Variants in ESR1 observed in about 807,000 individuals in gnomAD.
The protein encoded by ESR1 is estrogen receptor 1.
In ESR1, 12 loss-of-function variants were observed where a neutral mutation model predicts 52.7. That is an observed-to-expected ratio of 0.23 (90% CI 0.15 to 0.37). The LOEUF is 0.37. Ranked by LOEUF, ESR1 falls within the 10% of genes least tolerant of loss-of-function variation. ESR1 has a pLI of 1.00. For synonymous variants in ESR1, 305 were observed against 316.8 expected (o/e 0.96, Z 0.39); for missense variants, 584 against 779.7 (o/e 0.75, Z 2.99).
chr6:151,805,846 T>A (rs1034975336), upstream of ESR1: 1 of 152,264 alleles, frequency 6.6e-6, no homozygotes, highest in Non-Finnish European at 1.5e-5. Context: ...TTTCTCTCTC[T>A]GTAGCTTTAG....
At chr6:151,875,846 A>G (rs1342331266) in intron 2 of ESR1, among the ~76,000 whole-genome samples, 14 of 152,102 alleles carry the variant, frequency 9.2e-5, no homozygotes, top group Admixed American at 9.2e-4. Flanking sequence ...AAAACATAAG[A>G]GCTTTGCAAA....
chr6:152,096,930 G>C (rs963620436), intron 7 of ESR1, among the ~76,000 whole-genome samples: 1 of 152,150 alleles, frequency 6.6e-6, no homozygotes, highest in Admixed American at 6.5e-5. Flanking sequence ...TTTATTTGTT[G>C]AAAGGAATTG....
At chr6:151,974,874 G>A (rs1337863359) in intron 4 of ESR1, among the ~76,000 whole-genome samples, 1 of 152,188 alleles carries the variant, frequency 6.6e-6, no homozygotes, top group East Asian at 1.9e-4. Context: ...CTGCCTAGCA[G>A]CGCTAGTCTT....
intron 3 of ESR1, among the ~76,000 whole-genome samples, chr6:151,902,976 C>G (rs1796912483): frequency 6.6e-6 from 1 of 152,100 alleles, no homozygotes; most frequent in Non-Finnish European, 1.5e-5. Flanking sequence ...ACAAGTTAGC[C>G]TCCCTCTAAT....
At chr6:151,950,695 G>A (rs1269170177) in intron 4 of ESR1, among the ~76,000 whole-genome samples, 1 of 152,010 alleles carries the variant, frequency 6.6e-6, no homozygotes, top group Non-Finnish European at 1.5e-5. Flanking sequence ...AAATGCCAAG[G>A]TTTACTGGCT....
chr6:151,789,619 A>C (rs1330710726), intron 2 of ESR1, among the ~76,000 whole-genome samples: 1 of 152,186 alleles, frequency 6.6e-6, no homozygotes, highest in East Asian at 1.9e-4. Context: ...GTGCTTTTAC[A>C]TTTGTTTCCC....
intron 4 of ESR1, among the ~76,000 whole-genome samples, chr6:151,964,943 C>T (rs928550158): frequency 1.3e-5 from 2 of 152,084 alleles, no homozygotes; most frequent in Admixed American, 6.6e-5. Flanking sequence ...CGCCCGGCCC[C>T]TATTTTCTTA....
intron 5 of ESR1, among the ~76,000 whole-genome samples, chr6:152,050,771 G>A (rs913012459): frequency 1.3e-5 from 2 of 152,202 alleles, no homozygotes; most frequent in African/African-American, 4.8e-5. Context: ...ATCGTCTGCA[G>A]AGGAAAACAT....
chr6:152,086,942 A>C (rs1444617244), intron 6 of ESR1, among the ~76,000 whole-genome samples: 1 of 152,140 alleles, frequency 6.6e-6, no homozygotes, highest in East Asian at 1.9e-4. Flanking sequence ...GAAGTTTCCT[A>C]TCTATGAACA....
chr6:151,803,332 A>C (rs2128145129), upstream of ESR1, among the ~76,000 whole-genome samples: 1 of 152,324 alleles, frequency 6.6e-6, no homozygotes, highest in East Asian at 1.9e-4. Context: ...GGAATAATGA[A>C]TGTGGTAGCA....
intron 2 of ESR1, among the ~76,000 whole-genome samples, chr6:151,870,207 A>G (rs1243931534): frequency 6.6e-6 from 1 of 151,260 alleles, no homozygotes; most frequent in Non-Finnish European, 1.5e-5. Flanking sequence ...TTTTTTCTTT[A>G]TTTTATTCTG....
chr6:152,028,659 G>T (rs1265212516), intron 5 of ESR1, among the ~76,000 whole-genome samples: 1 of 152,162 alleles, frequency 6.6e-6, no homozygotes, highest in Non-Finnish European at 1.5e-5. Flanking sequence ...GCTGGAACTG[G>T]GTGGAGCCCA....
intron 6 of ESR1, among the ~76,000 whole-genome samples, chr6:152,108,786 T>C (rs549276749): frequency 2.0e-5 from 3 of 152,354 alleles, no homozygotes; most frequent in Admixed American, 6.5e-5. Flanking sequence ...CTTAAGCCTT[T>C]GGGAACATTT....
intron 1 of ESR1, among the ~76,000 whole-genome samples, chr6:151,668,388 C>A (rs1021779287): frequency 2.6e-5 from 4 of 152,116 alleles, no homozygotes; most frequent in African/African-American, 9.7e-5. Context: ...ATGCCATTCT[C>A]CTGCCTCAGC....
chr6:151,880,744 T>G lies in ESR1; in HGVS notation c.733T>G (p.Cys245Gly). The G allele has an allele frequency of 6.2e-7, 1 of 1,602,810 alleles. No homozygotes were observed. The highest frequency in any genetic ancestry group is 8.5e-7 in the Non-Finnish European group (1 of 1,169,708). ...CTGCCAGGCCTGCCGGCTCCGTAAATGCTACGAAGTGGGAATGATGAAAGG... is the reference window on the plus strand; with the variant it reads ...CTGCCAGGCCTGCCGGCTCCGTAAAGGCTACGAAGTGGGAATGATGAAAGG... ...KSCQACRLRK[C>G]YEVGMMKGGI... is the part of the protein sequence containing the mutation. Residue 245 changes from cysteine to glycine, a missense_variant, in exon 3 of 8, where the codon TGC (cysteine) becomes GGC (glycine). Physicochemically the swap from Cys to Gly is radical, Grantham distance 159. Coordinates refer to ENST00000206249, the MANE Select transcript of ESR1 (RefSeq NM_000125.4).
intron 3 of ESR1, among the ~76,000 whole-genome samples, chr6:151,899,421 C>T (rs1372757509): frequency 1.2e-4 from 16 of 130,148 alleles, no homozygotes; most frequent in African/African-American, 3.7e-4. Context: ...CCAGTAGGGG[C>T]GGCTGGGCAG....
chr6:151,695,413 G>A lies in ESR1; in HGVS notation c.-202+4749G>A, dbSNP rs540744195. On this transcript the variant is annotated intron_variant, in intron 1 of 2. Transcript: ENST00000404742. ...CAAGTTGACAATCCTAGAGAGCTTA[G>A]TGTGAGTAGACTTGCTGAGGTTCCT... is the stretch of plus-strand genomic sequence containing the variant. Among the ~76,000 whole-genome samples the A allele has an allele frequency of 3.5e-4, 53 of 152,320 alleles. 1 individual carries two copies. The South Asian group carries it at 5.6e-3, about 16-fold the overall frequency.
intron 2 of ESR1, among the ~76,000 whole-genome samples, chr6:151,740,384 C>T (rs1175943376): frequency 4.1e-5 from 6 of 148,058 alleles, no homozygotes; most frequent in African/African-American, 1.5e-4. Context: ...GATCTACCTG[C>T]CTCGGCCTCC....
chr6:151,920,259 C>G (rs972574839), intron 3 of ESR1, among the ~76,000 whole-genome samples: 3 of 150,224 alleles, frequency 2.0e-5, no homozygotes, highest in Non-Finnish European at 4.4e-5. Context: ...CAACGTAAAA[C>G]TAATTTTAAT....
Sources: allele counts gnomAD v4.1 joint callset (sites outside exome capture counted in the v4.1 genomes callset), GRCh38; gene constraint gnomAD v4.1.1; transcripts MANE v1.5; gene names NCBI Gene and HGNC (gene_info 2026-07-23, HGNC 2026-07-21).